The following SUPT6H variants were observed in gnomAD, a reference collection of about 807,000 sequenced individuals.
SUPT6H encodes transcription elongation factor SPT6.
SUPT6H carries 11 observed loss-of-function variants against 222.3 expected under a neutral mutation model. The ratio of observed to expected loss-of-function variants is 0.05; its 90% CI spans 0.03 to 0.08. The LOEUF (loss-of-function observed/expected upper bound fraction) is 0.08, where lower values mean the gene tolerates loss of function less well. Among genes scored for constraint, SUPT6H ranks in the 10% least tolerant of loss-of-function variants. The pLI is 1.00. For synonymous variants in SUPT6H, 762 were observed against 801.2 expected, an observed-to-expected ratio of 0.95 and a Z score of 0.83; for missense variants, 1,422 against 2,216.0, an observed-to-expected ratio of 0.64 and a Z score of 7.19.
At position 28,675,041 on chromosome 17, in the gene SUPT6H, A is replaced by C; in HGVS notation, c.417A>C (p.Glu139Asp). The stretch of plus-strand genomic sequence containing the variant: ...ACGAGGAGGAATATGGCAAGGAGGA[A>C]CATGAAAAAGAAGCTATTGCGGAAG... ...DDDEEEYGKE[E>D]HEKEAIAEEI... Residue 139 changes from glutamate to aspartate, a missense_variant, in exon 5 of 37, where the codon GAA becomes GAC. Coordinates refer to ENST00000314616, the MANE Select transcript of SUPT6H (RefSeq NM_003170.5). 3 of 1,614,106 alleles carry C rather than the reference A, an allele frequency of 1.9e-6. No homozygotes were observed. The highest frequency in any genetic ancestry group is 2.5e-6 in the Non-Finnish European group (3 of 1,179,982).
chr17:28,676,015 G>A (rs769600600), intron 6 of SUPT6H, 142 bp from the exon 7 acceptor site: 12 of 961,124 alleles, frequency 1.2e-5, no homozygotes, highest in South Asian at 2.0e-5. Flanking sequence ...GAAGCCTTTC[G>A]TCCACAGTGA....
intron 1 of SUPT6H, among the ~76,000 whole-genome samples, chr17:28,664,787 T>C (rs1048567378): frequency 3.3e-5 from 5 of 152,364 alleles, no homozygotes; most frequent in Admixed American, 1.3e-4. Flanking sequence ...TCCTCCCGTT[T>C]CACTGAGTGG....
chr17:28,700,578 C>T (rs1489804942), intron 35 of SUPT6H, 66 bp downstream of exon 35: 7 of 1,556,346 alleles, frequency 4.5e-6, no homozygotes, highest in Non-Finnish European at 6.1e-6. Flanking sequence ...CTCGCATTGC[C>T]CACAAGGGGC....
At position 28,697,685 on chromosome 17, in the gene SUPT6H, C is replaced by A; in HGVS notation, c.4275C>A (p.Asp1425Glu). The change falls in exon 31 of 37, where the codon GAC becomes GAA. Residue 1425 changes from aspartate (D) to glutamate (E), a missense_variant. Physicochemically the swap from Asp to Glu is conservative, Grantham distance 45. Around this residue, in one of 13 missense-constraint regions of SUPT6H, gnomAD observed 395 missense variants for 580.6 expected, o/e 0.68. Transcript: ENST00000314616. ...YVQPMASFAR[D>E]LLNHKYYQDC... ...AGCCCATGGCATCCTTTGCCCGGGA[C>A]CTTCTGAATCACAAGTATTATCAGG... The A allele has an allele frequency of 6.2e-7, 1 of 1,614,200 alleles. No individual in the cohort carries two copies.
intron 32 of SUPT6H, 111 bp from the exon 33 acceptor site, chr17:28,699,670 C>T: frequency 1.1e-6 from 1 of 885,258 alleles, no homozygotes; most frequent in Non-Finnish European, 1.9e-6. Context: ...TGTCATCTCT[C>T]CTTTCCCCTA....
rs2030598121 is a variant in SUPT6H, at chr17:28,674,180, A to T, written c.110-103A>T. The T allele has an allele frequency of 2.1e-6, 3 of 1,416,938 alleles. No homozygotes were observed. The Admixed American group carries it at 6.3e-5, about 30-fold the overall frequency. 87.8% of individuals were successfully genotyped at this position (1,416,938 alleles called of 1,614,324 possible). A position where few individuals can be genotyped will look rare whatever the true frequency, so the allele number is the denominator to read the frequency against. ...AGGCAGAAGAGTTAACATGGCACCC[A>T]GGTCATTAGGTGCAGAGCAAATGGA... On this transcript the variant is annotated intron_variant, in intron 2 of 36. Transcript: ENST00000314616.
intron 31 of SUPT6H, 60 bp from the exon 32 acceptor site, chr17:28,697,846 C>T (rs1436648447): frequency 1.2e-6 from 2 of 1,607,814 alleles, no homozygotes; most frequent in African/African-American, 1.3e-5. Flanking sequence ...CATGTGTGCA[C>T]CAGACGTTGT....
chr17:28,675,046 A>G lies in SUPT6H; in HGVS notation c.422A>G (p.Glu141Gly), dbSNP rs2151617993. Residue 141 changes from glutamate to glycine, a missense_variant, in exon 5 of 37, where the codon GAA (glutamate) becomes GGA (glycine). Around this residue, in one of 13 missense-constraint regions of SUPT6H, gnomAD observed 389 missense variants for 544.6 expected, o/e 0.71. Transcript: ENST00000314616. Reference protein sequence around the residue: ...DEEEYGKEEHEKEAIAEEIFQ... With the variant: ...DEEEYGKEEHGKEAIAEEIFQ... ...GAGGAATATGGCAAGGAGGAACATG[A>G]AAAAGAAGCTATTGCGGAAGAAATC... 6.2e-7 allele frequency: 1 copy of G among 1,614,170 alleles called. No homozygotes were observed.
intron 3 of SUPT6H, 42 bp downstream of exon 3, chr17:28,674,483 G>C: frequency 1.2e-6 from 2 of 1,614,152 alleles, no homozygotes; most frequent in Non-Finnish European, 1.7e-6. Flanking sequence ...TTGGGTGGAG[G>C]TTGCAGTGGA....
At chr17:28,676,489 A>G in intron 7 of SUPT6H, 59 bp downstream of exon 7, 2 of 1,604,484 alleles carry the variant, frequency 1.2e-6, no homozygotes, top group Non-Finnish European at 8.5e-7. Context: ...TAGCCAAGAA[A>G]TATTCTAGCA....
intron 28 of SUPT6H, 84 bp downstream of exon 28, chr17:28,693,920 G>C: frequency 6.4e-7 from 1 of 1,574,174 alleles, no homozygotes; most frequent in Non-Finnish European, 8.7e-7. Flanking sequence ...GTCCCCACCA[G>C]AAGTTAGGCT....
rs894717696 is a variant in SUPT6H at position 28,688,808 on chromosome 17, G to T, written c.3135-546G>T. On this transcript the variant is annotated intron_variant, in intron 24 of 36. Transcript: ENST00000314616. The surrounding 1 kb of genome is among the most constrained non-coding windows in gnomAD (Gnocchi z 4.3). ...AAAACTTCATTTTCCACTCAGCTTT[G>T]CTGTAACACTCCACGAATAACATAG... The T allele has an allele frequency of 6.5e-6, 1 of 154,940 alleles. No homozygotes were observed. Among genetic ancestry groups the T allele is most frequent in the African/African-American group, 2.4e-5 (1 of 41,448 alleles). 9.6% of individuals were successfully genotyped at this position (154,940 alleles called of 1,614,324 possible).
intron 26 of SUPT6H, among the ~76,000 whole-genome samples, chr17:28,690,637 G>A (rs950209786): frequency 6.6e-6 from 1 of 152,154 alleles, no homozygotes; most frequent in Non-Finnish European, 1.5e-5. Flanking sequence ...AGCTGAGCGT[G>A]GTGGTGGGCA....
intron 33 of SUPT6H, 37 bp downstream of exon 33, chr17:28,699,930 G>A (rs2151668432): frequency 6.3e-7 from 1 of 1,587,248 alleles, no homozygotes; most frequent in Non-Finnish European, 8.6e-7. Flanking sequence ...GGACGTGGCT[G>A]GAGGAACACC....
Position 28,674,415 on chromosome 17 carries a change from A to G in SUPT6H, c.242A>G (p.Asp81Gly). ...EGSDSGDSED[D>G]VGHKKRKRTS... ...AGTGACTCTGGTGATTCAGAAGATG[A>G]TGTTGGCCACAAGAAGAGAAAACGC... Residue 81 changes from aspartate to glycine, a missense_variant, in exon 3 of 37, where the codon GAT becomes GGT. Coordinates refer to ENST00000314616, the MANE Select transcript of SUPT6H (RefSeq NM_003170.5). 1 of 1,613,784 alleles carries G rather than the reference A, an allele frequency of 6.2e-7. No homozygotes were observed. Among genetic ancestry groups the G allele is most frequent in the South Asian group, 1.1e-5 (1 of 91,048 alleles).
In SUPT6H at chr17:28,690,999, A is replaced by G. The variant is rs775635079; in HGVS notation, c.3569A>G (p.Asn1190Ser). ...GAGAGCTATGACCAGGCGATCCGCAATGATGAGACAGGGCTGTGGCAGTGC... is the reference window on the plus strand; with the variant it reads ...GAGAGCTATGACCAGGCGATCCGCAGTGATGAGACAGGGCTGTGGCAGTGC... ...QGESYDQAIRNDETGLWQCPF... is the reference protein window; with the variant it reads ...QGESYDQAIRSDETGLWQCPF... Residue 1190 changes from asparagine to serine, a missense_variant, in exon 27 of 37, where the codon AAT becomes AGT. This residue lies in a region of SUPT6H where 60 missense variants were observed against 96.7 expected (regional missense o/e 0.62). Coordinates refer to ENST00000314616, the MANE Select transcript of SUPT6H (RefSeq NM_003170.5). 2.5e-6 allele frequency: 4 copies of G among 1,614,174 alleles called. No individual in the cohort carries two copies. Among genetic ancestry groups the G allele is most frequent in the African/African-American group, 1.3e-5 (1 of 75,042 alleles).
At chr17:28,667,036 A>G (rs758979246) in intron 1 of SUPT6H, among the ~76,000 whole-genome samples, 1 of 151,930 alleles carries the variant, frequency 6.6e-6, no homozygotes, top group African/African-American at 2.4e-5. Context: ...TTGAAATTCC[A>G]AATTGGATAT....
Position 28,701,556 on chromosome 17 carries a change from C to G in SUPT6H, c.5112C>G (p.Pro1704=). The G allele has an allele frequency of 1.2e-6, 2 of 1,614,164 alleles. No individual in the cohort carries two copies. The highest frequency in any genetic ancestry group is 1.7e-6 in the Non-Finnish European group (2 of 1,180,024). Reference sequence around the variant, plus strand: ...TGACACCTCGGCCCTCCCCCAGCCCCATGATCGAAAGCACCCCCATGTCCA... The same window carrying G: ...TGACACCTCGGCCCTCCCCCAGCCCGATGATCGAAAGCACCCCCATGTCCA... ...QRLTPRPSPS[P]MIESTPMSIA... The change falls in exon 37 of 37, where the codon CCC becomes CCG. Residue 1704 remains proline (P), a synonymous_variant. Coordinates refer to ENST00000314616, the MANE Select transcript of SUPT6H (RefSeq NM_003170.5).
In SUPT6H at chr17:28,702,580, C is replaced by G. The variant is rs566487881; in HGVS notation, c.*955C>G. The G allele has an allele frequency of 1.3e-5, 2 of 152,646 alleles. No individual in the cohort carries two copies. Among genetic ancestry groups the G allele is most frequent in the Non-Finnish European group, 2.9e-5 (2 of 68,094 alleles). The allele number at this position is 152,646 out of a possible 1,614,324, so 9.5% of individuals were successfully genotyped here. On this transcript the variant is annotated 3_prime_UTR_variant, in exon 37 of 37. Coordinates refer to ENST00000314616, the MANE Select transcript of SUPT6H (RefSeq NM_003170.5). ...GCAAATGTTACCCGGTATTATTACA[C>G]CCACTCACTCACCCACAGCACAGCT... is the stretch of plus-strand genomic sequence containing the variant.
Sources: allele counts gnomAD v4.1 joint callset (sites outside exome capture counted in the v4.1 genomes callset), GRCh38; gene constraint gnomAD v4.1.1; regional missense constraint gnomAD v4.1.1; non-coding constraint Gnocchi (gnomAD v3.1); transcripts MANE v1.5; gene names NCBI Gene and HGNC (gene_info 2026-07-23, HGNC 2026-07-21).